Variants in MSH3 observed in about 807,000 individuals in gnomAD.
MSH3 encodes DNA mismatch repair protein Msh3.
A neutral mutation model predicts 123.3 loss-of-function variants in MSH3; 106 were observed. That is an observed-to-expected ratio of 0.86 (90% CI 0.73 to 1.01). The LOEUF (loss-of-function observed/expected upper bound fraction) is 1.01. Ranked by LOEUF, MSH3 falls within the 50% of genes least tolerant of loss-of-function variation. The pLI, the probability that MSH3 is intolerant of heterozygous loss-of-function variation, is 0.00. For synonymous variants in MSH3, 515 were observed against 481.4 expected (o/e 1.07, Z -0.91); for missense variants, 1,459 against 1,347.6 (o/e 1.08, Z -1.29).
intron 8 of MSH3, among the ~76,000 whole-genome samples, chr5:80,722,937 T>C (rs980303085): frequency 6.6e-6 from 1 of 151,918 alleles, no homozygotes; most frequent in Non-Finnish European, 1.5e-5. Context: ...AAACCCTGTA[T>C]CTACTAAAAA....
At chr5:80,658,050 T>TTTTTTTTTTTTTTTTTTTTG (rs1580541891) in intron 2 of MSH3, among the ~76,000 whole-genome samples, 1 of 149,368 alleles carries the variant, frequency 6.7e-6, no homozygotes, top group African/African-American at 2.5e-5. Flanking sequence ...TTTTTTTTTT[T>TTTTTTTTTTTTTTTTTTTTG]GAGATAGGGT....
intron 19 of MSH3, among the ~76,000 whole-genome samples, chr5:80,813,200 C>G (rs907226679): frequency 6.6e-6 from 1 of 152,084 alleles, no homozygotes; most frequent in Non-Finnish European, 1.5e-5. Flanking sequence ...TGCTGCCAAC[C>G]CCAAATAGGG....
At chr5:80,683,624 T>C (rs72765574) in intron 8 of MSH3, among the ~76,000 whole-genome samples, 1 of 152,156 alleles carries the variant, frequency 6.6e-6, no homozygotes, top group South Asian at 2.1e-4. Flanking sequence ...ATGGGTGGTC[T>C]ACATACATTT....
intron 20 of MSH3, among the ~76,000 whole-genome samples, chr5:80,853,790 A>C (rs915996282): frequency 2.0e-5 from 3 of 152,218 alleles, no homozygotes; most frequent in African/African-American, 7.2e-5. Context: ...TGGACTTTTA[A>C]ACACAGAAAC....
At chr5:80,847,547 A>T (rs1316044995) in intron 20 of MSH3, among the ~76,000 whole-genome samples, 1 of 152,142 alleles carries the variant, frequency 6.6e-6, no homozygotes, top group African/African-American at 2.4e-5. Context: ...ATTACATTCA[A>T]TGTAGATAAA....
chr5:80,805,958 T>G (rs572407040), intron 19 of MSH3, among the ~76,000 whole-genome samples: 42 of 152,314 alleles, frequency 2.8e-4, no homozygotes, highest in African/African-American at 1.0e-3. Context: ...TCCTTCTTTT[T>G]ATGGGTGAAT....
intron 8 of MSH3, among the ~76,000 whole-genome samples, chr5:80,711,037 A>C (rs1408763533): frequency 6.6e-6 from 1 of 151,672 alleles, no homozygotes; most frequent in South Asian, 2.1e-4. Flanking sequence ...TTAAAAACAA[A>C]ACCAAAACCA....
chr5:80,866,987 G>C (rs1454061303), intron 22 of MSH3, among the ~76,000 whole-genome samples: 3 of 152,020 alleles, frequency 2.0e-5, no homozygotes, highest in Non-Finnish European at 4.4e-5. Flanking sequence ...GTTCCCATTT[G>C]TCCACTGGGG....
rs183502563 is a variant in MSH3, at chr5:80,845,061, G to C, written c.2814-9069G>C. On this transcript the variant is annotated intron_variant, in intron 20 of 23. Transcript: ENST00000265081. ...TACTGATTGTTCCTTTCCATGTTTAGTGCTTCCTTTAGGAGCTCTTGTAAG... is the reference window on the plus strand; with the variant it reads ...TACTGATTGTTCCTTTCCATGTTTACTGCTTCCTTTAGGAGCTCTTGTAAG... Among the ~76,000 whole-genome samples, 4 of 152,206 alleles carry C rather than the reference G, an allele frequency of 2.6e-5. No homozygotes were observed. The East Asian group carries it at 5.8e-4, about 22-fold the overall frequency.
chr5:80,821,807 C>A (rs1467398263), intron 20 of MSH3, among the ~76,000 whole-genome samples: 1 of 152,230 alleles, frequency 6.6e-6, no homozygotes, highest in Non-Finnish European at 1.5e-5. Flanking sequence ...TAAGTTAATT[C>A]TCCCCTTAAA....
At chr5:80,846,368 C>T (rs779370751) in intron 20 of MSH3, among the ~76,000 whole-genome samples, 6 of 151,712 alleles carry the variant, frequency 4.0e-5, no homozygotes, top group South Asian at 4.2e-4. Context: ...TTTTGGGACC[C>T]GCTTGAGGAG....
At chr5:80,724,914 C>G (rs776475643) in intron 8 of MSH3, among the ~76,000 whole-genome samples, 1 of 151,768 alleles carries the variant, frequency 6.6e-6, no homozygotes, top group Admixed American at 6.6e-5. Flanking sequence ...TATAAAATAG[C>G]AGTTAATAAA....
chr5:80,702,159 G>C (rs1223185124), intron 8 of MSH3, among the ~76,000 whole-genome samples: 3 of 152,124 alleles, frequency 2.0e-5, no homozygotes, highest in Non-Finnish European at 4.4e-5. Flanking sequence ...CCCCACTGCA[G>C]TCCAGAATGC....
At chr5:80,874,187 T>C (rs1302406439) in intron 23 of MSH3, among the ~76,000 whole-genome samples, 3 of 152,198 alleles carry the variant, frequency 2.0e-5, no homozygotes, top group Non-Finnish European at 4.4e-5. Context: ...CAAATTTCAA[T>C]ATTGAAATAG....
chr5:80,699,923 C>A (rs567447406), intron 8 of MSH3, among the ~76,000 whole-genome samples: 2 of 152,142 alleles, frequency 1.3e-5, no homozygotes, highest in Non-Finnish European at 2.9e-5. Flanking sequence ...TTGTGGTATT[C>A]GTAGGAAATC....
intron 20 of MSH3, among the ~76,000 whole-genome samples, chr5:80,827,808 G>A (rs1484945638): frequency 6.6e-6 from 1 of 152,176 alleles, no homozygotes; most frequent in African/African-American, 2.4e-5. Flanking sequence ...GCAAATCCCA[G>A]GCAAATCTTC....
At chr5:80,860,157 T>C (rs1012745062) in intron 21 of MSH3, among the ~76,000 whole-genome samples, 8 of 151,590 alleles carry the variant, frequency 5.3e-5, no homozygotes, top group African/African-American at 2.0e-4. Flanking sequence ...CTGTTGCTAT[T>C]ATTATTGTGA....
chr5:80,788,509 A>G (rs1744554252), intron 18 of MSH3, among the ~76,000 whole-genome samples: 1 of 151,942 alleles, frequency 6.6e-6, no homozygotes, highest in Non-Finnish European at 1.5e-5. Flanking sequence ...TTGATTTTAT[A>G]TATACTTAAG....
intron 8 of MSH3, among the ~76,000 whole-genome samples, chr5:80,688,036 A>G (rs1561442748): frequency 6.6e-6 from 1 of 152,314 alleles, no homozygotes; most frequent in East Asian, 1.9e-4. Flanking sequence ...GGTATAACCA[A>G]TGATGTGAGC....
Sources: gnomAD v4.1 joint callset for allele counts (sites outside exome capture counted in the v4.1 genomes callset) on GRCh38, gnomAD v4.1.1 for gene constraint, MANE v1.5 for transcripts, NCBI Gene and HGNC (gene_info 2026-07-23, HGNC 2026-07-21) for gene names.